The following CTNNA3 variants were observed in gnomAD, a reference collection of about 807,000 sequenced individuals.
The protein encoded by CTNNA3 is catenin alpha 3.
CTNNA3 carries 76 observed loss-of-function variants against 95.7 expected under a neutral mutation model. The observed-to-expected ratio is 0.79, with a 90% confidence interval of 0.66 to 0.96. CTNNA3 has a LOEUF of 0.96. CTNNA3 is among the 40% of genes least tolerant of loss of function. The pLI, the probability that CTNNA3 is intolerant of heterozygous loss-of-function variation, is 0.00. For synonymous variants in CTNNA3, 431 were observed against 374.4 expected, an observed-to-expected ratio of 1.15 and a Z score of -1.74; for missense variants, 1,191 against 1,089.8, an observed-to-expected ratio of 1.09 and a Z score of -1.31.
chr10:67,349,353 A>G (rs1490987918), intron 5 of CTNNA3, among the ~76,000 whole-genome samples: 2 of 152,200 alleles, frequency 1.3e-5, no homozygotes, highest in African/African-American at 4.8e-5. Flanking sequence ...ATCTATATAC[A>G]ATGGAATATT....
intron 9 of CTNNA3, among the ~76,000 whole-genome samples, chr10:66,655,284 C>T (rs539955737): frequency 1.3e-4 from 19 of 151,998 alleles, no homozygotes; most frequent in African/African-American, 4.6e-4. Flanking sequence ...GATATTTGCA[C>T]AATTAAAAAG....
chr10:67,206,723 TGATTCTAGAATCTA>T (rs1423522684), intron 6 of CTNNA3, among the ~76,000 whole-genome samples: 7 of 149,518 alleles, frequency 4.7e-5, no homozygotes, highest in Admixed American at 1.3e-4. Context: ...AGCCTGCACC[TGATTCTAGAATCTA>T]GATTCTAGAA....
chr10:67,148,828 T>C (rs1860957584), intron 7 of CTNNA3, among the ~76,000 whole-genome samples: 1 of 152,218 alleles, frequency 6.6e-6, no homozygotes, highest in Non-Finnish European at 1.5e-5. Context: ...AAATCCACAA[T>C]AGGACTTCTA....
intron 5 of CTNNA3, among the ~76,000 whole-genome samples, chr10:67,327,051 T>C (rs1242721311): frequency 1.3e-5 from 2 of 152,204 alleles, no homozygotes; most frequent in African/African-American, 4.8e-5. Context: ...GAAACTCTTG[T>C]AGTGTGTTTT....
chr10:67,726,165 T>A (rs1282256653), intron 1 of CTNNA3, among the ~76,000 whole-genome samples: 8 of 100,198 alleles, frequency 8.0e-5, no homozygotes, highest in Admixed American at 5.6e-4. Flanking sequence ...ATATATAATC[T>A]TATATAATAA....
intron 12 of CTNNA3, among the ~76,000 whole-genome samples, chr10:66,335,067 G>A (rs182425266): frequency 9.5e-4 from 145 of 152,168 alleles, no homozygotes; most frequent in African/African-American, 3.3e-3. Flanking sequence ...TCGTGCCATG[G>A]TTTTCAGCAT....
Position 66,992,399 on chromosome 10 carries a change from C to T in CTNNA3, c.1047+187918G>A, listed in dbSNP as rs530337602. Among the ~76,000 whole-genome samples, 380 of 151,476 alleles carry T rather than the reference C, an allele frequency of 2.5e-3. 3 individuals are homozygous for T. Among genetic ancestry groups the T allele is most frequent in the African/African-American group, 8.3e-3 (345 of 41,324 alleles). ...CCTTCTCCTTTTCCTATTATTCTTC[C>T]TCCTCCTCCTCCTCCACTCCTCTTT... On this transcript the variant is annotated intron_variant, in intron 7 of 17. Coordinates refer to ENST00000433211, the MANE Select transcript of CTNNA3 (RefSeq NM_013266.4).
At chr10:67,391,002 G>T (rs1417486667) in intron 5 of CTNNA3, among the ~76,000 whole-genome samples, 1 of 152,162 alleles carries the variant, frequency 6.6e-6, no homozygotes, top group Admixed American at 6.5e-5. Flanking sequence ...GCACAAGACA[G>T]GGATGCCCTC....
chr10:66,533,859 A>G (rs1241923791), intron 10 of CTNNA3, among the ~76,000 whole-genome samples: 1 of 152,098 alleles, frequency 6.6e-6, no homozygotes, highest in Non-Finnish European at 1.5e-5. Flanking sequence ...TGGCTTGAGG[A>G]CAGGAGTTCA....
At chr10:67,433,092 C>A (rs1846169033) in intron 5 of CTNNA3, among the ~76,000 whole-genome samples, 1 of 152,096 alleles carries the variant, frequency 6.6e-6, no homozygotes, top group South Asian at 2.1e-4. Flanking sequence ...ACCTTCCTCA[C>A]TGAACTTAAC....
chr10:66,753,080 A>T (rs1442586336), intron 9 of CTNNA3, among the ~76,000 whole-genome samples: 1 of 152,138 alleles, frequency 6.6e-6, no homozygotes, highest in Non-Finnish European at 1.5e-5. Flanking sequence ...CTACCTACTC[A>T]TTCCTTCTGG....
intron 5 of CTNNA3, among the ~76,000 whole-genome samples, chr10:67,478,977 C>G (rs1848120327): frequency 6.6e-6 from 1 of 151,840 alleles, no homozygotes; most frequent in Non-Finnish European, 1.5e-5. Flanking sequence ...ATTCTTTTAT[C>G]AGATAAAACC....
chr10:67,250,496 T>A (rs950627226), intron 5 of CTNNA3, among the ~76,000 whole-genome samples: 4 of 151,708 alleles, frequency 2.6e-5, no homozygotes, highest in African/African-American at 9.7e-5. Context: ...ATTACAGGCA[T>A]GAGCCACCGC....
intron 9 of CTNNA3, among the ~76,000 whole-genome samples, chr10:66,649,643 C>T (rs1233259168): frequency 6.6e-6 from 1 of 152,196 alleles, no homozygotes; most frequent in African/African-American, 2.4e-5. Context: ...CCAGGCCCAC[C>T]TGGATTCTAG....
chr10:66,548,391 C>T (rs1232246392), intron 10 of CTNNA3, among the ~76,000 whole-genome samples: 1 of 152,064 alleles, frequency 6.6e-6, no homozygotes, highest in Non-Finnish European at 1.5e-5. Flanking sequence ...TGTATTTTCT[C>T]TACATTAAAT....
In CTNNA3 at chr10:66,471,012, G is replaced by C. The variant is rs116796891; in HGVS notation, c.1531+49605C>G. ...TTCCATCTGAAAATTTAAGGATCCA[G>C]ATAAAATGGAAGGAGAAAAAACGGT... is the stretch of plus-strand genomic sequence containing the variant. On this transcript the variant is annotated intron_variant, in intron 11 of 17. Transcript: ENST00000433211. Among the ~76,000 whole-genome samples, 610 of 151,826 alleles carry C rather than the reference G, an allele frequency of 4.0e-3. 8 individuals are homozygous for C. The highest frequency in any genetic ancestry group is 0.014 in the African/African-American group (597 of 41,470).
intron 7 of CTNNA3, among the ~76,000 whole-genome samples, chr10:67,043,136 T>C (rs1278649112): frequency 2.3e-4 from 1 of 4,416 alleles, no homozygotes; most frequent in African/African-American, 3.0e-4. Context: ...ACTTTCTTTC[T>C]TTTTTTTTTT....
chr10:66,441,613 AT>A (rs1218709444), intron 11 of CTNNA3, among the ~76,000 whole-genome samples: 1 of 152,216 alleles, frequency 6.6e-6, no homozygotes, highest in African/African-American at 2.4e-5. Context: ...TAAAGAACAG[AT>A]TGCTTTTAGA....
At chr10:66,652,506 C>T (rs190164776) in intron 9 of CTNNA3, among the ~76,000 whole-genome samples, 70 of 152,092 alleles carry the variant, frequency 4.6e-4, no homozygotes, top group Non-Finnish European at 8.5e-4. Flanking sequence ...TAAAAAGTCT[C>T]CAATCAAAGA....
Sources: gnomAD v4.1 joint callset for allele counts (sites outside exome capture counted in the v4.1 genomes callset) on GRCh38, gnomAD v4.1.1 for gene constraint, MANE v1.5 for transcripts, NCBI Gene and HGNC (gene_info 2026-07-23, HGNC 2026-07-21) for gene names.